Variants in ERCC2 observed in about 807,000 individuals in gnomAD.
The protein encoded by ERCC2 is general transcription and DNA repair factor IIH helicase subunit XPD.
ERCC2 carries 90 observed loss-of-function variants against 99.4 expected under a neutral mutation model. That is an observed-to-expected ratio of 0.91 (90% CI 0.76 to 1.08). The LOEUF (loss-of-function observed/expected upper bound fraction) is 1.08. ERCC2 is among the 50% of genes least tolerant of loss of function. ERCC2 has a pLI of 0.00. For synonymous variants in ERCC2, 497 were observed against 432.4 expected, an observed-to-expected ratio of 1.15 and a Z score of -1.85; for missense variants, 993 against 1,038.1, an observed-to-expected ratio of 0.96 and a Z score of 0.60.
At chr19:45,357,035 C>G (rs1160791679) in intron 15 of ERCC2, among the ~76,000 whole-genome samples, 1 of 152,216 alleles carries the variant, frequency 6.6e-6, no homozygotes, top group East Asian at 1.9e-4. Context: ...TCTCAATCCT[C>G]TCAACCACCC....
chr19:45,352,578 G>A lies in ERCC2; in HGVS notation c.1974C>T (p.Arg658=). Residue 658 remains arginine (R), a synonymous_variant, in exon 21 of 23, where the codon CGC becomes CGT. Coordinates refer to ENST00000391945, the MANE Select transcript of ERCC2 (RefSeq NM_000400.4). The part of the protein sequence containing the change: ...ENDFLTFDAM[R]HAAQCVGRAI... Reference sequence around the variant, plus strand: ...CCCGACCCACACACTGGGCCGCGTGGCGCATGGCATCGAAGGTAAGAAAGT... The same window carrying A: ...CCCGACCCACACACTGGGCCGCGTGACGCATGGCATCGAAGGTAAGAAAGT... The A allele has an allele frequency of 1.2e-6, 2 of 1,614,088 alleles. No homozygotes were observed. The highest frequency in any genetic ancestry group is 1.7e-6 in the Non-Finnish European group (2 of 1,180,032).
chr19:45,370,432 AC>A, intron 1 of ERCC2, 103 bp downstream of exon 1: 1 of 1,127,526 alleles, frequency 8.9e-7, no homozygotes. Flanking sequence ...CCACCCCTTC[AC>A]CCTCCCCTCG....
At chr19:45,360,902 G>A (rs1317106453) in intron 12 of ERCC2, among the ~76,000 whole-genome samples, 2 of 152,118 alleles carry the variant, frequency 1.3e-5, no homozygotes, top group Non-Finnish European at 2.9e-5. Context: ...GGAGGCCGAG[G>A]CCGGTGGATC....
chr19:45,356,185 C>T (rs575112472), intron 15 of ERCC2, among the ~76,000 whole-genome samples: 11 of 152,334 alleles, frequency 7.2e-5, no homozygotes, highest in African/African-American at 2.4e-4. Flanking sequence ...GAACACCCCT[C>T]GCCATGCCGG....
chr19:45,352,884 G>C, intron 19 of ERCC2, 68 bp from the exon 20 acceptor site: 1 of 1,482,012 alleles, frequency 6.7e-7, no homozygotes, highest in Non-Finnish European at 9.4e-7. Context: ...ACAGCCTCAC[G>C]CGACCCAGGA....
At position 45,350,540 on chromosome 19, in the gene ERCC2, G is replaced by A. The variant is rs1206218644; in HGVS notation, c.*1089C>T. On this transcript the variant is annotated 3_prime_UTR_variant, in exon 23 of 23. Transcript: ENST00000391945. Reference sequence around the variant, plus strand: ...TGCCCCCAACACAGGCACAGCTGGTGACGCAGAACAGGTGAGGATGGGCTG... The same window carrying A: ...TGCCCCCAACACAGGCACAGCTGGTAACGCAGAACAGGTGAGGATGGGCTG... 6.2e-6 allele frequency: 10 copies of A among 1,613,872 alleles called. No individual in the cohort carries two copies. Among genetic ancestry groups the A allele is most frequent in the Middle Eastern group, 1.6e-4 (1 of 6,084 alleles).
At position 45,364,244 on chromosome 19, in the gene ERCC2, G is replaced by A. The variant is rs1161399233; in HGVS notation, c.806C>T (p.Thr269Met). The A allele has an allele frequency of 5.6e-6, 9 of 1,613,556 alleles. No individual in the cohort carries two copies. Among genetic ancestry groups the A allele is most frequent in the East Asian group, 2.2e-5 (1 of 44,880 alleles). ...CQGNLETLQK[T>M]VLRIKETDEQ... ...ACGTCCCCGGCCCCACCTGAGCACC[G>A]TCTTCTGCAGGGTCTCCAGGTTGCC... The change falls in exon 9 of 23, where the codon ACG becomes ATG. Residue 269 changes from threonine (T) to methionine (M), a missense_variant. Transcript: ENST00000391945.
rs750364723 is a variant in ERCC2, at chr19:45,353,243, T to G, written c.1757A>C (p.Glu586Ala). The change falls in exon 18 of 23, where the codon GAG becomes GCG. Residue 586 changes from glutamate to alanine, a missense_variant and splice_region_variant. Transcript: ENST00000391945. The stretch of plus-strand genomic sequence containing the variant: ...TCCACGCTGGCCTCGCACACCCACC[T>G]CCTGGTACTTCTCCAGGGCGACACT... Reference protein sequence around the residue: ...ETSVALEKYQEACENGRGAIL... With the variant: ...ETSVALEKYQAACENGRGAIL... 6.2e-7 allele frequency: 1 copy of G among 1,609,670 alleles called. No individual in the cohort carries two copies. The highest frequency in any genetic ancestry group is 1.3e-5 in the African/African-American group (1 of 74,658).
At chr19:45,359,464 C>T (rs1180863945) in intron 12 of ERCC2, among the ~76,000 whole-genome samples, 2 of 152,160 alleles carry the variant, frequency 1.3e-5, no homozygotes, top group African/African-American at 4.8e-5. Context: ...ACAGGAGAAA[C>T]CCCCAGGAGG....
rs554486673 is a variant in ERCC2 at position 45,354,964 on chromosome 19, A to C, written c.1544-113T>G. On this transcript the variant is annotated intron_variant, in intron 16 of 22. Coordinates refer to ENST00000391945, the MANE Select transcript of ERCC2 (RefSeq NM_000400.4). The stretch of plus-strand genomic sequence containing the variant: ...TGAGGCTGCCTGTCAGGCTTTTCAC[A>C]CATATCCCCCTCCTCCTCCTCCCGG... 306 of 1,373,634 alleles carry C rather than the reference A, an allele frequency of 2.2e-4. 1 individual carries two copies. In the African/African-American group the frequency reaches 3.5e-3, roughly 16 times the overall value. The allele number at this position is 1,373,634 out of a possible 1,614,324, so 85.1% of individuals were successfully genotyped here.
chr19:45,354,884 G>A, intron 16 of ERCC2, 33 bp from the exon 17 acceptor site: 2 of 1,613,292 alleles, frequency 1.2e-6, no homozygotes, highest in Non-Finnish European at 1.7e-6. Context: ...CCCTCTCCTG[G>A]CCCAGGTCCT....
chr19:45,370,418 C>A (rs369030564), intron 1 of ERCC2, 118 bp downstream of exon 1: 64 of 1,499,214 alleles, frequency 4.3e-5, no homozygotes, highest in South Asian at 1.2e-5. Flanking sequence ...CGGCTGCCCC[C>A]GTCCCACCCC....
rs1332547113 is a variant in ERCC2 at position 45,357,563 on chromosome 19, GT to G, written c.1308-21del. ...ATGCAGCTGGAGAGAGATGAGGGCAGTGAGGGCCCGGGGGGCTGGGCCCCCG... is the reference window on the plus strand; with the variant it reads ...ATGCAGCTGGAGAGAGATGAGGGCAGGAGGGCCCGGGGGGCTGGGCCCCCG... On this transcript the variant is annotated intron_variant, in intron 13 of 22. Coordinates refer to ENST00000391945, the MANE Select transcript of ERCC2 (RefSeq NM_000400.4). The G allele has an allele frequency of 1.2e-6, 2 of 1,614,092 alleles. No homozygotes were observed. The highest frequency in any genetic ancestry group is 4.5e-5 in the East Asian group (2 of 44,884).
At position 45,350,641 on chromosome 19, in the gene ERCC2, G is replaced by A. The variant is rs1302648570; in HGVS notation, c.*988C>T. On this transcript the variant is annotated 3_prime_UTR_variant, in exon 23 of 23. Coordinates refer to ENST00000391945, the MANE Select transcript of ERCC2 (RefSeq NM_000400.4). ...AGCAGCATCCCCGGCCCCTCCCCAGGCCCTTCGCCGCAGCAGCTCACTCTC... is the reference window on the plus strand; with the variant it reads ...AGCAGCATCCCCGGCCCCTCCCCAGACCCTTCGCCGCAGCAGCTCACTCTC... The A allele has an allele frequency of 1.9e-6, 3 of 1,613,386 alleles. No homozygotes were observed. The highest frequency in any genetic ancestry group is 2.2e-5 in the East Asian group (1 of 44,842).
chr19:45,370,058 C>T (rs918572469), intron 2 of ERCC2, 75 bp downstream of exon 2: 2 of 1,393,974 alleles, frequency 1.4e-6, no homozygotes, highest in African/African-American at 2.8e-5. Context: ...ATCCAGACGT[C>T]CTGCAATCTG....
In ERCC2 at chr19:45,368,997, CG is replaced by C. The variant is rs1568546130; in HGVS notation, c.184-6del. 2 of 1,614,190 alleles carry C rather than the reference CG, an allele frequency of 1.2e-6. No individual in the cohort carries two copies. Among genetic ancestry groups the C allele is most frequent in the South Asian group, 2.2e-5 (2 of 91,084 alleles). On this transcript the variant is annotated splice_region_variant and splice_polypyrimidine_tract_variant and intron_variant, in intron 3 of 22. Coordinates refer to ENST00000391945, the MANE Select transcript of ERCC2 (RefSeq NM_000400.4). The stretch of plus-strand genomic sequence containing the variant: ...GGTCACCTCCAGCGGATATGCCTGC[CG>C]ATAACAAGCGGACTCAGTCCCTGTC...
intron 4 of ERCC2, 42 bp downstream of exon 4, chr19:45,368,888 G>C: frequency 6.2e-7 from 1 of 1,608,126 alleles, no homozygotes; most frequent in Non-Finnish European, 8.5e-7. Context: ...ATAGGGCCTA[G>C]GGAACAGTGG....
chr19:45,365,550 G>A (rs1426984275), intron 5 of ERCC2, among the ~76,000 whole-genome samples: 1 of 152,188 alleles, frequency 6.6e-6, no homozygotes, highest in Non-Finnish European at 1.5e-5. Context: ...GGTGGAGGTT[G>A]CAGTGAGCAG....
chr19:45,366,812 T>C (rs1972438137), intron 5 of ERCC2, among the ~76,000 whole-genome samples: 1 of 152,180 alleles, frequency 6.6e-6, no homozygotes, highest in Non-Finnish European at 1.5e-5. Flanking sequence ...ATATAGTCTG[T>C]GGGCCCAGTG....
Sources: allele counts gnomAD v4.1 joint callset (sites outside exome capture counted in the v4.1 genomes callset), GRCh38; gene constraint gnomAD v4.1.1; transcripts MANE v1.5; gene names NCBI Gene and HGNC (gene_info 2026-07-23, HGNC 2026-07-21).